NRAP: variants seen among roughly 807,000 people sequenced by gnomAD.
NRAP encodes nebulin-related-anchoring protein.
In NRAP, 189 loss-of-function variants were observed where a neutral mutation model predicts 225.9. The observed-to-expected ratio is 0.84, with a 90% CI of 0.74 to 0.94. NRAP has a LOEUF of 0.94. NRAP is among the 40% of genes least tolerant of loss of function. The pLI, the probability that NRAP is intolerant of heterozygous loss-of-function variation, is 0.00. For missense variants in NRAP, 2,176 were observed against 2,168.7 expected, an observed-to-expected ratio of 1.00 and a Z score of -0.07; for synonymous variants, 769 against 790.7, an observed-to-expected ratio of 0.97 and a Z score of 0.46.
chr10:113,620,767 A>G, intron 24 of NRAP, 59 bp from the exon 25 acceptor site: 1 of 1,232,644 alleles, frequency 8.1e-7, no homozygotes, highest in South Asian at 1.2e-5. Flanking sequence ...CAGACATTTA[A>G]AGGGCTATTA....
chr10:113,609,027 G>A (rs1847171837), intron 31 of NRAP, among the ~76,000 whole-genome samples: 2 of 152,176 alleles, frequency 1.3e-5, no homozygotes, highest in Admixed American at 1.3e-4. Context: ...GAGCATGGTG[G>A]TGCACATCTG....
Position 113,641,708 on chromosome 10 carries a change from G to A in NRAP, c.1216-236C>T, listed in dbSNP as rs3121467. Reference sequence around the variant, plus strand: ...GACAAGGAAACATGGGATCAGATGAGCATAGACAGCACAAAACAGACTTGA... The same window carrying A: ...GACAAGGAAACATGGGATCAGATGAACATAGACAGCACAAAACAGACTTGA... On this transcript the variant is annotated intron_variant, in intron 12 of 41. Transcript: ENST00000359988. Among the ~76,000 whole-genome samples, 84,243 of 152,028 alleles carry A rather than the reference G, an allele frequency of 0.55. 24,587 individuals are homozygous for A. The highest frequency in any genetic ancestry group is 0.73 in the East Asian group (3,769 of 5,176).
At position 113,654,117 on chromosome 10, in the gene NRAP, A is replaced by G. The variant is rs1850158200; in HGVS notation, c.369T>C (p.Tyr123=). The change falls in exon 5 of 42, where the codon TAT becomes TAC. Residue 123 remains tyrosine, a synonymous_variant. Coordinates refer to ENST00000359988, the MANE Select transcript of NRAP (RefSeq NM_198060.4). ...NRQPLANERA[Y]WTGYGEGNAW... ...CATTCCCTTCCCCATATCCAGTCCA[A>G]TAGGCTCTCTACAAAGGAAGCACAT... The G allele has an allele frequency of 1.2e-6, 2 of 1,607,792 alleles. No homozygotes were observed. Among genetic ancestry groups the G allele is most frequent in the African/African-American group, 1.3e-5 (1 of 74,848 alleles).
chr10:113,595,590 G>T, intron 38 of NRAP, 33 bp downstream of exon 38: 1 of 1,343,914 alleles, frequency 7.4e-7, no homozygotes. Flanking sequence ...TACAAAAGTG[G>T]GCACACGTTC....
chr10:113,646,796 T>C (rs1006394938), intron 10 of NRAP, 127 bp downstream of exon 10: 16 of 712,740 alleles, frequency 2.2e-5, no homozygotes, highest in Non-Finnish European at 3.5e-5. Context: ...GGATGGGAGT[T>C]GAGGGCTAAC....
chr10:113,597,049 A>G (rs1374929898), intron 37 of NRAP, 37 bp downstream of exon 37: 3 of 1,382,560 alleles, frequency 2.2e-6, no homozygotes, highest in East Asian at 2.3e-5. Flanking sequence ...GCAGTGCTAC[A>G]CTGCATGCCC....
chr10:113,638,219 T>C (rs1014794154), intron 14 of NRAP, among the ~76,000 whole-genome samples: 1 of 152,232 alleles, frequency 6.6e-6, no homozygotes, highest in Non-Finnish European at 1.5e-5. Context: ...ATTAAGTATG[T>C]TACTGAGCAC....
chr10:113,656,925 A>T (rs114025041), intron 4 of NRAP, among the ~76,000 whole-genome samples: 200 of 152,278 alleles, frequency 1.3e-3, no homozygotes, highest in African/African-American at 4.6e-3. Flanking sequence ...GAATAATGCA[A>T]ATTCTTATGT....
At chr10:113,630,514 T>C (rs539100151) in intron 18 of NRAP, among the ~76,000 whole-genome samples, 3 of 152,286 alleles carry the variant, frequency 2.0e-5, no homozygotes, top group African/African-American at 7.2e-5. Context: ...TAGTATGCTA[T>C]AGTAGAAGGA....
At chr10:113,614,773 A>T in intron 28 of NRAP, 66 bp downstream of exon 28, 7 of 946,948 alleles carry the variant, frequency 7.4e-6, no homozygotes, top group Non-Finnish European at 1.2e-5. Context: ...GGCAGGAGTT[A>T]CGGGCAAAAG....
At chr10:113,628,865 A>G (rs369046103) in intron 20 of NRAP, 52 bp downstream of exon 20, 3 of 934,978 alleles carry the variant, frequency 3.2e-6, no homozygotes, top group African/African-American at 1.7e-5. Flanking sequence ...ATCACCCTGC[A>G]TGTGTCAGGG....
chr10:113,636,488 C>T (rs1241137081), intron 14 of NRAP, among the ~76,000 whole-genome samples: 1 of 152,168 alleles, frequency 6.6e-6, no homozygotes, highest in African/African-American at 2.4e-5. Context: ...AGACCACTAG[C>T]TGGGTACAAG....
chr10:113,651,858 A>C lies in NRAP; in HGVS notation c.620T>G (p.Val207Gly), dbSNP rs1263760090. Residue 207 changes from valine to glycine, a missense_variant, in exon 7 of 42, where the codon GTG becomes GGG. Coordinates refer to ENST00000359988, the MANE Select transcript of NRAP (RefSeq NM_198060.4). ...CCGTAGCAGCTCAGGAGTATCCACCACCGTGGAGAACCTGGAGATGCGTTC... is the reference window on the plus strand; with the variant it reads ...CCGTAGCAGCTCAGGAGTATCCACCCCCGTGGAGAACCTGGAGATGCGTTC... ...HDERISRFSTVVDTPELLRSK... is the reference protein window; with the variant it reads ...HDERISRFSTGVDTPELLRSK... 1 of 1,613,280 alleles carries C rather than the reference A, an allele frequency of 6.2e-7. No individual in the cohort carries two copies. The highest frequency in any genetic ancestry group is 1.3e-5 in the African/African-American group (1 of 74,866).
chr10:113,617,784 C>T (rs528460168), intron 25 of NRAP, among the ~76,000 whole-genome samples: 2 of 152,242 alleles, frequency 1.3e-5, no homozygotes, highest in East Asian at 3.9e-4. Flanking sequence ...AAGAAAACAT[C>T]TCAAAATTAG....
At chr10:113,622,648 C>T (rs1389650501) in intron 23 of NRAP, among the ~76,000 whole-genome samples, 1 of 152,158 alleles carries the variant, frequency 6.6e-6, no homozygotes, top group Non-Finnish European at 1.5e-5. Context: ...CAGTGTGGGG[C>T]ATGATTTTCA....
chr10:113,592,349 G>T, intron 38 of NRAP, 48 bp from the exon 39 acceptor site: 2 of 1,255,786 alleles, frequency 1.6e-6, no homozygotes, highest in Non-Finnish European at 2.3e-6. Flanking sequence ...TCACTCCACT[G>T]TCTTCCATGT....
chr10:113,645,791 A>T, intron 11 of NRAP, 34 bp downstream of exon 11: 6 of 1,065,680 alleles, frequency 5.6e-6, no homozygotes, highest in Non-Finnish European at 4.3e-6. Flanking sequence ...AAAAGAGGTG[A>T]TGCTCATGGG....
At chr10:113,645,293 T>G (rs1463167357) in intron 11 of NRAP, among the ~76,000 whole-genome samples, 1 of 152,242 alleles carries the variant, frequency 6.6e-6, no homozygotes, top group African/African-American at 2.4e-5. Context: ...AAGTAACTTC[T>G]GAACCACCAG....
At chr10:113,648,144 C>T (rs1320509901) in intron 9 of NRAP, among the ~76,000 whole-genome samples, 3 of 152,170 alleles carry the variant, frequency 2.0e-5, no homozygotes, top group African/African-American at 7.2e-5. Context: ...TCTGTGGCCT[C>T]CTCCAAGCCA....
Sources: gnomAD v4.1 joint callset for allele counts (sites outside exome capture counted in the v4.1 genomes callset) on GRCh38, gnomAD v4.1.1 for gene constraint, MANE v1.5 for transcripts, NCBI Gene and HGNC (gene_info 2026-07-23, HGNC 2026-07-21) for gene names.